The following CHTF8 variants were observed in gnomAD, a reference collection of about 807,000 sequenced individuals.
CHTF8 encodes the protein chromosome transmission fidelity factor 8.
In CHTF8, 6 loss-of-function variants were observed where a neutral mutation model predicts 11.0. The ratio of observed to expected loss-of-function variants is 0.55; its 90% confidence interval spans 0.30 to 1.08. CHTF8 has a LOEUF of 1.08. Ranked by LOEUF, CHTF8 falls within the 50% of genes least tolerant of loss-of-function variation. The probability of loss-of-function intolerance (pLI) is 0.07; values close to 1 mark genes in which losing one functional copy is unlikely to be tolerated. For missense variants in CHTF8, 140 were observed against 153.1 expected (o/e 0.91, Z 0.45); for synonymous variants, 53 against 60.5 (o/e 0.88, Z 0.57).
intron 1 of CHTF8, among the ~76,000 whole-genome samples, chr16:69,129,524 G>T (rs929016189): frequency 2.6e-5 from 4 of 151,070 alleles, no homozygotes; most frequent in Non-Finnish European, 5.9e-5. Context: ...AGCTAGCCTC[G>T]TTCACTTATC....
chr16:69,124,594 C>T (rs182168264), intron 1 of CHTF8, among the ~76,000 whole-genome samples: 4 of 151,544 alleles, frequency 2.6e-5, no homozygotes, highest in African/African-American at 7.3e-5. Context: ...AGGCTGGTCT[C>T]GAACTTCTGA....
intron 1 of CHTF8, among the ~76,000 whole-genome samples, chr16:69,121,958 C>T (rs1183875995): frequency 4.6e-5 from 7 of 151,726 alleles, no homozygotes; most frequent in Non-Finnish European, 8.8e-5. Flanking sequence ...TGTGAGCCAC[C>T]GCGCCCGGCC....
rs1457777623 is a variant in CHTF8, at chr16:69,118,104, G to GTGAT, written c.*2317_*2320dup. The GTGAT allele has an allele frequency of 9.2e-6, 5 of 540,862 alleles. No homozygotes were observed. In the East Asian group the frequency reaches 1.6e-4, roughly 17 times the overall value. 33.5% of individuals were successfully genotyped at this position (540,862 alleles called of 1,614,324 possible). Reference sequence around the variant, plus strand: ...TGCACACCAGGCCGAACAAAGCACAGTGATTTCTTCCCTTCATCCCCCACC... The same window carrying GTGAT: ...TGCACACCAGGCCGAACAAAGCACAGTGATTGATTTCTTCCCTTCATCCCCCACC... On this transcript the variant is annotated 3_prime_UTR_variant, in exon 4 of 4. Transcript: ENST00000448552.
chr16:69,126,101 TGTA>T (rs1276844820), intron 1 of CHTF8, among the ~76,000 whole-genome samples: 18 of 152,256 alleles, frequency 1.2e-4, no homozygotes, highest in African/African-American at 3.6e-4. Context: ...TTGAAGATGA[TGTA>T]GTATATTTTC....
At chr16:69,126,134 A>G (rs977997978) in intron 1 of CHTF8, among the ~76,000 whole-genome samples, 6 of 152,248 alleles carry the variant, frequency 3.9e-5, no homozygotes, top group Non-Finnish European at 7.3e-5. Flanking sequence ...TACAAGTGAC[A>G]GTAAAATACA....
At chr16:69,125,090 G>C (rs996211565) in intron 1 of CHTF8, among the ~76,000 whole-genome samples, 1 of 151,108 alleles carries the variant, frequency 6.6e-6, no homozygotes, top group Non-Finnish European at 1.5e-5. Context: ...TTTTAATAGA[G>C]ACGGGGCTTC....
chr16:69,128,603 A>G (rs1243609389), intron 1 of CHTF8, among the ~76,000 whole-genome samples: 2 of 152,206 alleles, frequency 1.3e-5, no homozygotes. Flanking sequence ...TCAGTAAAGG[A>G]AACTTTTTTC....
At chr16:69,123,938 A>AC (rs1823575048) in intron 1 of CHTF8, among the ~76,000 whole-genome samples, 3 of 140,526 alleles carry the variant, frequency 2.1e-5, no homozygotes, top group African/African-American at 2.5e-5. Context: ...AAAAAAAAAA[A>AC]AAAAAAAAAC....
chr16:69,132,523 C>A lies in CHTF8; in HGVS notation c.-75G>T, dbSNP rs1442164469. ...GCCGAGCGCGGCGCCGCGCGGCCAA[C>A]GGGCGACAACCGAACCTCCCGCCGC... is the stretch of plus-strand genomic sequence containing the variant. On this transcript the variant is annotated 5_prime_UTR_variant, in exon 1 of 4. Coordinates refer to ENST00000448552, the MANE Select transcript of CHTF8 (RefSeq NM_001039690.5). 3.3e-6 allele frequency: 1 copy of A among 305,438 alleles called. No homozygotes were observed. Among genetic ancestry groups the A allele is most frequent in the Non-Finnish European group, 6.3e-6 (1 of 158,046 alleles). The allele number at this position is 305,438 out of a possible 1,614,324, so 18.9% of individuals were successfully genotyped here.
chr16:69,122,194 C>T (rs1359729472), intron 1 of CHTF8, among the ~76,000 whole-genome samples: 1 of 152,088 alleles, frequency 6.6e-6, no homozygotes, highest in Non-Finnish European at 1.5e-5. Context: ...GTTCTTTTAC[C>T]AATATTGTAC....
chr16:69,127,989 A>C (rs1287283075), intron 1 of CHTF8, among the ~76,000 whole-genome samples: 1 of 151,624 alleles, frequency 6.6e-6, no homozygotes, highest in South Asian at 2.1e-4. Flanking sequence ...ATCTCGGCTC[A>C]CTGCAACCTC....
chr16:69,126,431 T>C lies in CHTF8; in HGVS notation c.-35-4938A>G, dbSNP rs576030390. ...CCAATCCCCCATGCCTCAATAACAA[T>C]GCACACCTTTACACACTGATGCAGG... On this transcript the variant is annotated intron_variant, in intron 1 of 3. Transcript: ENST00000448552. Among the ~76,000 whole-genome samples, 6 of 152,328 alleles carry C rather than the reference T, an allele frequency of 3.9e-5. No homozygotes were observed. The East Asian group carries it at 1.2e-3, about 29-fold the overall frequency.
At chr16:69,121,521 G>T in intron 1 of CHTF8, 28 bp from the exon 2 acceptor site, 1 of 1,407,626 alleles carries the variant, frequency 7.1e-7, no homozygotes, top group Non-Finnish European at 9.9e-7. Flanking sequence ...GAGATTTAGG[G>T]TAATAACAAC....
rs778121818 is a variant in CHTF8 at position 69,120,967 on chromosome 16, C to T, written c.141+86G>A. ...TAGGCCTTGAATAACAAACCTGAGG[C>T]AGTCCTCACTCTGGGTCCTGGGAGC... On this transcript the variant is annotated intron_variant, in intron 3 of 3. Transcript: ENST00000448552. This position sits in a 1 kb window ranked among gnomAD's most constrained non-coding sequence, Gnocchi z 4.0. 2.7e-6 allele frequency: 3 copies of T among 1,110,382 alleles called. No homozygotes were observed. The East Asian group carries it at 7.0e-5, about 26-fold the overall frequency. 68.8% of individuals were successfully genotyped at this position (1,110,382 alleles called of 1,614,324 possible).
intron 1 of CHTF8, among the ~76,000 whole-genome samples, chr16:69,122,375 T>C (rs1413431364): frequency 2.0e-5 from 3 of 151,886 alleles, no homozygotes; most frequent in African/African-American, 7.3e-5. Flanking sequence ...CTTTTTTTTT[T>C]TTTTTTCTTT....
chr16:69,120,772 T>C lies in CHTF8; in HGVS notation c.142-123A>G. 8 of 876,070 alleles carry C rather than the reference T, an allele frequency of 9.1e-6. No homozygotes were observed. The highest frequency in any genetic ancestry group is 2.3e-5 in the Admixed American group (1 of 44,434). The allele number at this position is 876,070 out of a possible 1,614,324, so 54.3% of individuals were successfully genotyped here. A position where few individuals can be genotyped will look rare whatever the true frequency, so the allele number is the denominator to read the frequency against. ...TCCAATCCCTGGTCTGGCTCTGCCA[T>C]TGTTGAGCAGCCACACTGGACCACC... is the stretch of plus-strand genomic sequence containing the variant. On this transcript the variant is annotated intron_variant, in intron 3 of 3. Transcript: ENST00000448552. This position sits in a 1 kb window ranked among gnomAD's most constrained non-coding sequence, Gnocchi z 4.0.
intron 1 of CHTF8, chr16:69,132,131 C>T (rs1962584362): frequency 6.4e-6 from 1 of 155,660 alleles, no homozygotes; most frequent in Admixed American, 6.5e-5. Flanking sequence ...CGTCCTCCGC[C>T]CGCGCTCGGC....
rs770988516 is a variant in CHTF8 at position 69,121,142 on chromosome 16, C to T, written c.52G>A (p.Val18Met). ...SARAGGLAEW[V>M]LMELQGEIEA... The stretch of plus-strand genomic sequence containing the variant: ...ATCTCCCCCTGTAGCTCCATCAGCA[C>T]CCATTCTGCCAGGCCTCCAGCCCTC... Residue 18 changes from valine to methionine, a missense_variant, in exon 3 of 4, where the codon GTG (valine) becomes ATG (methionine). Transcript: ENST00000448552. 24 of 1,613,272 alleles carry T rather than the reference C, an allele frequency of 1.5e-5. No homozygotes were observed. The highest frequency in any genetic ancestry group is 2.0e-5 in the Non-Finnish European group (24 of 1,179,996).
rs750447211 is a variant in CHTF8 at position 69,120,351 on chromosome 16, G to C, written c.*74C>G. 1 of 1,467,496 alleles carries C rather than the reference G, an allele frequency of 6.8e-7. No individual in the cohort carries two copies. The highest frequency in any genetic ancestry group is 9.5e-7 in the Non-Finnish European group (1 of 1,048,590). The allele number at this position is 1,467,496 out of a possible 1,614,324, so 90.9% of individuals were successfully genotyped here. A position where few individuals can be genotyped will look rare whatever the true frequency, so the allele number is the denominator to read the frequency against. On this transcript the variant is annotated 3_prime_UTR_variant, in exon 4 of 4. Transcript: ENST00000448552. This position sits in a 1 kb window ranked among gnomAD's most constrained non-coding sequence, Gnocchi z 4.0. ...CCCCCTGTGGTCCCAGGGAACCGTCGAGCCGTCCTCGAGGTGGCAGCGGAG... is the reference window on the plus strand; with the variant it reads ...CCCCCTGTGGTCCCAGGGAACCGTCCAGCCGTCCTCGAGGTGGCAGCGGAG...
Sources: gnomAD v4.1 joint callset for allele counts (sites outside exome capture counted in the v4.1 genomes callset) on GRCh38, gnomAD v4.1.1 for gene constraint, Gnocchi (gnomAD v3.1) non-coding constraint, MANE v1.5 for transcripts, NCBI Gene and HGNC (gene_info 2026-07-23, HGNC 2026-07-21) for gene names.